LRRK1: variants seen among roughly 807,000 people sequenced by gnomAD.
LRRK1 encodes leucine rich repeat kinase 1.
Under a neutral mutation model 209.1 loss-of-function variants are expected in LRRK1, and 113 were observed. That is an observed-to-expected ratio of 0.54 (90% CI 0.46 to 0.63). The LOEUF is 0.63. LRRK1 is among the 30% of genes least tolerant of loss of function. The probability of loss-of-function intolerance (pLI) is 0.00; values close to 1 mark genes in which losing one functional copy is unlikely to be tolerated. For missense variants in LRRK1, 2,284 were observed against 2,632.2 expected (o/e 0.87, Z 2.89); for synonymous variants, 1,144 against 1,099.7 (o/e 1.04, Z -0.80).
At chr15:100,941,278 CCGTGTGTGTGTCTGTGTGTGTCTA>C (rs2042400658) in intron 2 of LRRK1, among the ~76,000 whole-genome samples, 2 of 22,168 alleles carry the variant, frequency 9.0e-5, no homozygotes, top group Non-Finnish European at 8.9e-5. Flanking sequence ...CTGTGTGTGT[CCGTGTGTGTGTCTGTGTGTGTCTA>C]TGTGTGTGTG....
At position 101,027,273 on chromosome 15, in the gene LRRK1, C is replaced by T; in HGVS notation, c.2418C>T (p.Cys806=). Residue 806 remains cysteine (C), a synonymous_variant, in exon 18 of 34, where the codon TGC becomes TGT. Transcript: ENST00000388948. The surrounding 1 kb of genome is among the most constrained non-coding windows in gnomAD (Gnocchi z 5.1). ...TTTTTGCTCACAGTGAGATTTCCTGCAAGAGCCTGGAAGGTCAGGAAGGGC... is the reference window on the plus strand; with the variant it reads ...TTTTTGCTCACAGTGAGATTTCCTGTAAGAGCCTGGAAGGTCAGGAAGGGC... The part of the protein sequence containing the change: ...ITFKHLHEIS[C]KSLEGQEGLR... 8 of 1,614,046 alleles carry T rather than the reference C, an allele frequency of 5.0e-6. No homozygotes were observed. Among genetic ancestry groups the T allele is most frequent in the Non-Finnish European group, 6.8e-6 (8 of 1,180,006 alleles).
At chr15:101,025,168 G>A (rs535414704) in intron 16 of LRRK1, among the ~76,000 whole-genome samples, 18 of 152,260 alleles carry the variant, frequency 1.2e-4, no homozygotes, top group East Asian at 3.9e-4. Context: ...TAATTTCCCC[G>A]CTTCCCTTAA....
intron 12 of LRRK1, among the ~76,000 whole-genome samples, chr15:101,015,718 C>T (rs1224684486): frequency 1.3e-5 from 2 of 152,222 alleles, no homozygotes; most frequent in African/African-American, 4.8e-5. Flanking sequence ...AGTTTCTCAT[C>T]CTCACAACGT....
At chr15:101,025,085 C>A in intron 16 of LRRK1, 118 bp downstream of exon 16, 2 of 1,006,958 alleles carry the variant, frequency 2.0e-6, no homozygotes, top group Non-Finnish European at 2.8e-6. Context: ...CCACAGAGGG[C>A]CCCAGAACCG....
chr15:101,014,525 C>T (rs2033436992), intron 11 of LRRK1, 97 bp downstream of exon 11: 1 of 809,998 alleles, frequency 1.2e-6, no homozygotes, highest in African/African-American at 1.7e-5. Context: ...TCTGCGAGGG[C>T]TGCTGAGCCG....
chr15:100,933,492 C>T (rs1432553791), intron 2 of LRRK1, among the ~76,000 whole-genome samples: 1 of 152,046 alleles, frequency 6.6e-6, no homozygotes, highest in Non-Finnish European at 1.5e-5. Context: ...CTTATCTTTT[C>T]GCTCACATTT....
rs1391946904 is a variant in LRRK1, at chr15:101,021,081, A to G, written c.1638A>G (p.Leu546=). ...AASVLEFPAF[L]SESLEVLCLN... ...GTGTGCTGGAATTTCCGGCCTTCCT[A>G]AGTGAGTCTTTGGAAGTCCTTTGCC... The change falls in exon 13 of 34, where the codon CTA becomes CTG. Residue 546 remains leucine, a synonymous_variant. Coordinates refer to ENST00000388948, the MANE Select transcript of LRRK1 (RefSeq NM_024652.6). The G allele has an allele frequency of 6.2e-7, 1 of 1,614,026 alleles. No individual in the cohort carries two copies. The highest frequency in any genetic ancestry group is 8.5e-7 in the Non-Finnish European group (1 of 1,180,006).
chr15:101,021,004 C>A (rs544765938), intron 12 of LRRK1, 49 bp from the exon 13 acceptor site: 6 of 1,608,468 alleles, frequency 3.7e-6, no homozygotes, highest in East Asian at 4.5e-5. Flanking sequence ...CACGCTGTGA[C>A]GGTCCAGAAT....
chr15:101,029,655 G>A (rs2034197163), intron 20 of LRRK1, among the ~76,000 whole-genome samples: 3 of 152,088 alleles, frequency 2.0e-5, no homozygotes, highest in Admixed American at 2.0e-4. Flanking sequence ...ATCAATTGAG[G>A]TCAGGAGTTC....
chr15:100,978,116 A>G (rs2031398110), intron 3 of LRRK1, among the ~76,000 whole-genome samples: 1 of 152,210 alleles, frequency 6.6e-6, no homozygotes, highest in Admixed American at 6.5e-5. Context: ...GAATGGGCTC[A>G]ACTGTAGAAT....
chr15:101,046,006 T>C lies in LRRK1; in HGVS notation c.2989T>C (p.Ser997Pro), dbSNP rs1364842626. 5.0e-6 allele frequency: 8 copies of C among 1,614,118 alleles called. No individual in the cohort carries two copies. Among genetic ancestry groups the C allele is most frequent in the Non-Finnish European group, 6.8e-6 (8 of 1,179,994 alleles). ...DSYLLPHLLP[S>P]KPGLDTHGMR... is the part of the protein sequence containing the mutation. ...CTACCTCCTGCCCCATCTCCTTCCA[T>C]CTAAACCTGGCCTGGACACCCACGG... Residue 997 changes from serine to proline, a missense_variant, in exon 21 of 34, where the codon TCT becomes CCT. Ser to Pro is a moderately conservative substitution (Grantham distance 74). Coordinates refer to ENST00000388948, the MANE Select transcript of LRRK1 (RefSeq NM_024652.6).
chr15:101,051,740 C>T lies in LRRK1; in HGVS notation c.3469C>T (p.Pro1157Ser). The T allele has an allele frequency of 6.2e-7, 1 of 1,613,932 alleles. No homozygotes were observed. Among genetic ancestry groups the T allele is most frequent in the Non-Finnish European group, 8.5e-7 (1 of 1,180,004 alleles). ...GACAGCCACAGAGAGCGACGGGACGCCACTCATGGAGCAGTACGTGCCCTG... is the reference window on the plus strand; with the variant it reads ...GACAGCCACAGAGAGCGACGGGACGTCACTCATGGAGCAGTACGTGCCCTG... Reference protein sequence around the residue: ...ALTATESDGTPLMEQYVPCPV... With the variant: ...ALTATESDGTSLMEQYVPCPV... The change falls in exon 24 of 34, where the codon CCA becomes TCA. Residue 1157 changes from proline (P) to serine (S), a missense_variant. By Grantham distance (74) the Pro-to-Ser change is moderately conservative (BLOSUM62 -1). This residue lies in a region of LRRK1 where 780 missense variants were observed against 985.2 expected (regional missense o/e 0.79). Coordinates refer to ENST00000388948, the MANE Select transcript of LRRK1 (RefSeq NM_024652.6).
At chr15:100,999,482 T>A (rs2032588079) in intron 6 of LRRK1, among the ~76,000 whole-genome samples, 1 of 152,208 alleles carries the variant, frequency 6.6e-6, no homozygotes, top group African/African-American at 2.4e-5. Context: ...CTTAACTCTC[T>A]GAGTTTAGTT....
chr15:100,995,778 A>AGT (rs2032377877), intron 6 of LRRK1, among the ~76,000 whole-genome samples: 2 of 152,238 alleles, frequency 1.3e-5, no homozygotes, highest in South Asian at 4.1e-4. Flanking sequence ...GGCTGTTTTA[A>AGT]GTGTGGAAGT....
chr15:100,995,165 AT>A (rs2032345237), intron 6 of LRRK1, among the ~76,000 whole-genome samples: 1 of 152,162 alleles, frequency 6.6e-6, no homozygotes, highest in Non-Finnish European at 1.5e-5. Flanking sequence ...TAGGGAGATC[AT>A]GCATGTGCCA....
chr15:100,940,732 G>C (rs1451585048), intron 2 of LRRK1, among the ~76,000 whole-genome samples: 1 of 152,210 alleles, frequency 6.6e-6, no homozygotes, highest in Non-Finnish European at 1.5e-5. Context: ...TGGAAAGCTG[G>C]AGCCTGAGAT....
chr15:100,972,359 AGAGAGTGTGTGTGTGT>A (rs2030964242), intron 2 of LRRK1, among the ~76,000 whole-genome samples: 5 of 86,990 alleles, frequency 5.7e-5, no homozygotes, highest in East Asian at 5.7e-4. Context: ...AGAGAGAGAG[AGAGAGTGTGTGTGTGT>A]GTGTGTGTGT....
In LRRK1 at chr15:101,008,561, CGCGCCCACCG is replaced by C. The variant is rs150664817; in HGVS notation, c.763-269_763-260del. 9.5e-4 allele frequency among the ~76,000 whole-genome samples: 144 copies of C among 152,218 alleles called. 2 individuals are homozygous for C. In the East Asian group the frequency reaches 0.026, roughly 27 times the overall value. ...GCCTCTTGAGGGGCGGCACTGAGCC[CGCGCCCACCG>C]GCGCCCTCTGGAGGTTGGAGGGTGA... On this transcript the variant is annotated intron_variant, in intron 6 of 33. Transcript: ENST00000388948.
chr15:101,052,596 G>A (rs1241671705), intron 24 of LRRK1, among the ~76,000 whole-genome samples: 1 of 152,218 alleles, frequency 6.6e-6, no homozygotes, highest in Non-Finnish European at 1.5e-5. Context: ...AATAGGAAAC[G>A]TCACCTTTCA....
Sources: allele counts gnomAD v4.1 joint callset (sites outside exome capture counted in the v4.1 genomes callset), GRCh38; gene constraint gnomAD v4.1.1; regional missense constraint gnomAD v4.1.1; non-coding constraint Gnocchi (gnomAD v3.1); transcripts MANE v1.5; gene names NCBI Gene and HGNC (gene_info 2026-07-23, HGNC 2026-07-21).